Variants in SLC1A5 observed in about 807,000 individuals in gnomAD.
SLC1A5 encodes neutral amino acid transporter B(0).
In SLC1A5, 25 loss-of-function variants were observed where a neutral mutation model predicts 34.9. The observed-to-expected ratio is 0.72, with a 90% CI of 0.52 to 1.00. The LOEUF (loss-of-function observed/expected upper bound fraction) is 1.00, where lower values mean the gene tolerates loss of function less well. Among genes scored for constraint, SLC1A5 ranks in the 50% least tolerant of loss-of-function variants. SLC1A5 has a pLI of 0.00. For missense variants in SLC1A5, 637 were observed against 740.0 expected (o/e 0.86, Z 1.61); for synonymous variants, 351 against 341.2 (o/e 1.03, Z -0.32).
At chr19:46,778,516 C>T (rs2122684536) in intron 5 of SLC1A5, among the ~76,000 whole-genome samples, 159 bp downstream of exon 5, 1 of 152,280 alleles carries the variant, frequency 6.6e-6, no homozygotes, top group East Asian at 1.9e-4. Context: ...CAATCATTTC[C>T]TATCTTTTTA....
At chr19:46,784,203 G>T (rs1488446750) in intron 2 of SLC1A5, 59 bp from the exon 3 acceptor site, 5 of 1,293,256 alleles carry the variant, frequency 3.9e-6, no homozygotes, top group Non-Finnish European at 5.6e-6. Context: ...CCAACCCCAT[G>T]CCAAGCTAAC....
intron 4 of SLC1A5, 37 bp downstream of exon 4, chr19:46,782,346 A>AACCCCCCCCCCCCCCCCCCCCACAAC: frequency 1.8e-6 from 1 of 567,986 alleles, no homozygotes; most frequent in Non-Finnish European, 3.2e-6. Flanking sequence ...CGACCCTCCA[A>AACCCCCCCCCCCCCCCCCCCCACAAC]CCCCACCCAC....
At chr19:46,781,434 A>G (rs1424875912) in intron 4 of SLC1A5, among the ~76,000 whole-genome samples, 1 of 152,158 alleles carries the variant, frequency 6.6e-6, no homozygotes, top group African/African-American at 2.4e-5. Flanking sequence ...CCCCGTCTCT[A>G]CTAAAAATAC....
At chr19:46,782,342 T>TCCCAACCCCCCCCCCCCCCCCCCC in intron 4 of SLC1A5, 41 bp downstream of exon 4, 2 of 523,372 alleles carry the variant, frequency 3.8e-6, no homozygotes, top group Non-Finnish European at 3.5e-6. Flanking sequence ...AGACCGACCC[T>TCCCAACCCCCCCCCCCCCCCCCCC]CCAACCCCAC....
chr19:46,783,995 T>A, intron 3 of SLC1A5, 102 bp downstream of exon 3: 1 of 853,094 alleles, frequency 1.2e-6, no homozygotes, highest in South Asian at 1.4e-5. Flanking sequence ...GACTGCAGAG[T>A]GTCAATCAAA....
rs1305016059 is a variant in SLC1A5 at position 46,788,515 on chromosome 19, T to G, written c.-550A>C. On this transcript the variant is annotated 5_prime_UTR_variant, in exon 1 of 8. Transcript: ENST00000542575. The stretch of plus-strand genomic sequence containing the variant: ...CGGGAGGGTGGGATGCGGGCCCCTG[T>G]GTACGGAAGGCGGTGGTCTGGTGTC... The G allele has an allele frequency of 3.9e-5, 6 of 152,690 alleles. No individual in the cohort carries two copies. Among genetic ancestry groups the G allele is most frequent in the Admixed American group, 2.6e-4 (4 of 15,262 alleles). The allele number at this position is 152,690 out of a possible 1,614,324, so 9.5% of individuals were successfully genotyped here.
At chr19:46,784,483 C>T in intron 2 of SLC1A5, 34 bp downstream of exon 2, 2 of 1,613,358 alleles carry the variant, frequency 1.2e-6, no homozygotes, top group East Asian at 2.2e-5. Context: ...TCCCTGTCCA[C>T]CCCCATCCCC....
Position 46,787,449 on chromosome 19 carries a change from C to T in SLC1A5, c.517G>A (p.Glu173Lys). The stretch of plus-strand genomic sequence containing the variant: ...AGCACCTCCTTGCTGGGGGCATTTT[C>T]GGCACTGCCCGCGGCTCCCACGGAG... ...NASVGAAGSA[E>K]NAPSKEVLDS... The change falls in exon 1 of 8, where the codon GAA (glutamate) becomes AAA (lysine). Residue 173 changes from glutamate (E) to lysine (K), a missense_variant. Physicochemically the swap from Glu to Lys is moderately conservative, Grantham distance 56. Coordinates refer to ENST00000542575, the MANE Select transcript of SLC1A5 (RefSeq NM_005628.3). The surrounding 1 kb of genome is among the most constrained non-coding windows in gnomAD (Gnocchi z 5.2). 6.2e-7 allele frequency: 1 copy of T among 1,600,340 alleles called. No homozygotes were observed. Among genetic ancestry groups the T allele is most frequent in the Non-Finnish European group, 8.5e-7 (1 of 1,174,378 alleles).
rs113044612 is a variant in SLC1A5, at chr19:46,775,158, C to T, written c.*352G>A. On this transcript the variant is annotated 3_prime_UTR_variant, in exon 8 of 8. Transcript: ENST00000542575. ...CCAGCATGGTGTTGTAACATCCCCC[C>T]AGTGGGGGCTAGAATTCCCCATGGT... is the stretch of plus-strand genomic sequence containing the variant. 245 of 1,058,438 alleles carry T rather than the reference C, an allele frequency of 2.3e-4. No individual in the cohort carries two copies. The highest frequency in any genetic ancestry group is 2.7e-4 in the Non-Finnish European group (236 of 875,316). 65.6% of individuals were successfully genotyped at this position (1,058,438 alleles called of 1,614,324 possible).
rs373927640 is a variant in SLC1A5, at chr19:46,784,676, C to A, written c.567-117G>T. The A allele has an allele frequency of 4.4e-6, 7 of 1,602,900 alleles. No homozygotes were observed. The Admixed American group carries it at 5.2e-5, about 12-fold the overall frequency. On this transcript the variant is annotated intron_variant, in intron 1 of 7. Transcript: ENST00000542575. ...TGGAAGCTTTGGGGGCCCGCCTGCA[C>A]GCAAATACAGCCCCTACTCATGCCT...
rs769987963 is a variant in SLC1A5 at position 46,775,496 on chromosome 19, G to T, written c.*14C>A. 37 of 1,594,074 alleles carry T rather than the reference G, an allele frequency of 2.3e-5. 1 individual carries two copies. The highest frequency in any genetic ancestry group is 2.2e-4 in the Admixed American group (13 of 58,336). On this transcript the variant is annotated 3_prime_UTR_variant, in exon 8 of 8. Coordinates refer to ENST00000542575, the MANE Select transcript of SLC1A5 (RefSeq NM_005628.3). ...GAGCACCCCCAGCAGGGCAGGGAAG[G>T]TCCCTCCCGGGGTTTACATGACTGA...
chr19:46,775,516 G>T lies in SLC1A5; in HGVS notation c.1620C>A (p.Val540=). 6.2e-7 allele frequency: 1 copy of T among 1,608,982 alleles called. No homozygotes were observed. The highest frequency in any genetic ancestry group is 1.1e-5 in the South Asian group (1 of 90,338). ...DATVASEKES[V]M ...GGAAGGTCCCTCCCGGGGTTTACAT[G>T]ACTGATTCCTTCTCAGAGGCGACCG... The change falls in exon 8 of 8, where the codon GTC becomes GTA. Residue 540 remains valine (V), a synonymous_variant. Transcript: ENST00000542575.
At position 46,784,133 on chromosome 19, in the gene SLC1A5, G is replaced by A. The variant is rs746727178; in HGVS notation, c.621C>T (p.Thr207=). The change falls in exon 3 of 8, where the codon ACC becomes ACT. Residue 207 remains threonine, a synonymous_variant. Transcript: ENST00000542575. ...VSAAFRSYST[T]YEERNITGTR... ...TTCCGGTGATATTCCTCTCTTCATA[G>A]GTGGTAGAGTACTGTAGGTGGGGTT... 2 of 1,613,328 alleles carry A rather than the reference G, an allele frequency of 1.2e-6. No individual in the cohort carries two copies. Among genetic ancestry groups the A allele is most frequent in the Admixed American group, 3.3e-5 (2 of 59,986 alleles).
In SLC1A5 at chr19:46,787,480, G is replaced by A; in HGVS notation, c.486C>T (p.Ile162=). ...TGCCCGCGGCTCCCACGGAGGCGTT[G>A]ATGGCGGCGGAGGCGGCGCCCGGCT... ...ALQPGAASAA[I]NASVGAAGSA... The change falls in exon 1 of 8, where the codon ATC becomes ATT. Residue 162 remains isoleucine (I), a synonymous_variant. Coordinates refer to ENST00000542575, the MANE Select transcript of SLC1A5 (RefSeq NM_005628.3). The surrounding 1 kb of genome is among the most constrained non-coding windows in gnomAD (Gnocchi z 5.2). 1 of 1,591,432 alleles carries A rather than the reference G, an allele frequency of 6.3e-7. No homozygotes were observed.
Position 46,775,695 on chromosome 19 carries a change from G to C in SLC1A5, c.1441C>G (p.Leu481Val), listed in dbSNP as rs1453338139. 1.2e-6 allele frequency: 2 copies of C among 1,614,000 alleles called. No individual in the cohort carries two copies. Among genetic ancestry groups the C allele is most frequent in the African/African-American group, 2.7e-5 (2 of 74,908 alleles). The change falls in exon 8 of 8, where the codon CTC becomes GTC. Residue 481 changes from leucine to valine, a missense_variant. By Grantham distance (32) the Leu-to-Val change is conservative (BLOSUM62 1). Transcript: ENST00000542575. ...GTACGGTCCACGTAATTTTGGAGGA[G>C]TCCTGCCCCCAGAGCGTCACCTTCT... ...NVEGDALGAG[L>V]LQNYVDRTES...
Position 46,781,125 on chromosome 19 carries a change from G to A in SLC1A5, c.824+1258C>T, listed in dbSNP as rs377433850. On this transcript the variant is annotated intron_variant, in intron 4 of 7. Coordinates refer to ENST00000542575, the MANE Select transcript of SLC1A5 (RefSeq NM_005628.3). ...CAACCCCCGGAGGGAGGTCCTATGA[G>A]TCAGATTGCAGATTACACAACACCC... 3.9e-5 allele frequency among the ~76,000 whole-genome samples: 6 copies of A among 152,364 alleles called. No homozygotes were observed. In the East Asian group the frequency reaches 7.7e-4, roughly 20 times the overall value.
intron 4 of SLC1A5, 126 bp downstream of exon 4, chr19:46,782,257 A>G: frequency 2.8e-6 from 2 of 702,736 alleles, no homozygotes; most frequent in Non-Finnish European, 4.8e-6. Context: ...ATTTAAATGC[A>G]GGTCATCTGG....
At chr19:46,782,362 G>GCC in intron 4 of SLC1A5, 21 bp downstream of exon 4, 1 of 338,602 alleles carries the variant, frequency 3.0e-6, no homozygotes, top group Non-Finnish European at 4.7e-6. Flanking sequence ...CCCACCCCCA[G>GCC]CCTCCTCTCC....
At chr19:46,776,806 A>G (rs910445421) in intron 7 of SLC1A5, 169 bp downstream of exon 7, 3 of 695,030 alleles carry the variant, frequency 4.3e-6, no homozygotes, top group Non-Finnish European at 4.8e-6. Flanking sequence ...TAGAGCCACA[A>G]AGATGCCATT....
Sources: allele counts gnomAD v4.1 joint callset (sites outside exome capture counted in the v4.1 genomes callset), GRCh38; gene constraint gnomAD v4.1.1; non-coding constraint Gnocchi (gnomAD v3.1); transcripts MANE v1.5; gene names NCBI Gene and HGNC (gene_info 2026-07-23, HGNC 2026-07-21).